THAP10: variants seen among roughly 807,000 people sequenced by gnomAD.
The protein encoded by THAP10 is THAP domain-containing protein 10.
In THAP10, 10 loss-of-function variants were observed where a neutral mutation model predicts 15.7. The ratio of observed to expected loss-of-function variants is 0.64; its 90% CI spans 0.39 to 1.08. THAP10 has a LOEUF of 1.08. THAP10 is among the 50% of genes least tolerant of loss of function. THAP10 has a pLI of 0.01. For synonymous variants in THAP10, 127 were observed against 129.1 expected (o/e 0.98, Z 0.11); for missense variants, 310 against 330.9 (o/e 0.94, Z 0.49).
chr15:70,890,996 C>T lies in THAP10; in HGVS notation c.429+848G>A, dbSNP rs187510405. On this transcript the variant is annotated intron_variant, in intron 1 of 2. Coordinates refer to ENST00000249861, the MANE Select transcript of THAP10 (RefSeq NM_020147.4). ...GCCATTAAAGGGTCTTAAATACCCA[C>T]CCCAATGTAGGAAGCAGGTTAGTAC... Among the ~76,000 whole-genome samples the T allele has an allele frequency of 2.0e-5, 3 of 152,264 alleles. No individual in the cohort carries two copies. The East Asian group carries it at 5.8e-4, about 29-fold the overall frequency.
chr15:70,891,943 G>A lies in THAP10; in HGVS notation c.330C>T (p.Asp110=). The change falls in exon 1 of 3, where the codon GAC becomes GAT. Residue 110 remains aspartate (D), a synonymous_variant. Transcript: ENST00000249861. ...TGGCTGCCTGGAGCTCTCCTCGCGT[G>A]TCCAGGCGGCCTGCTTGGTCTCCCT... is the stretch of plus-strand genomic sequence containing the variant. The part of the protein sequence containing the change: ...GEEGDQAGRL[D]TRGELQAARH... The A allele has an allele frequency of 1.2e-6, 2 of 1,613,678 alleles. No homozygotes were observed. The highest frequency in any genetic ancestry group is 1.7e-6 in the Non-Finnish European group (2 of 1,179,876).
intron 1 of THAP10, among the ~76,000 whole-genome samples, chr15:70,891,067 C>G (rs899019944): frequency 6.6e-6 from 1 of 152,124 alleles, no homozygotes; most frequent in African/African-American, 2.4e-5. Context: ...GTAAGGATTA[C>G]AGACCCCTGA....
chr15:70,883,242 A>G (rs2033313226), intron 1 of THAP10, among the ~76,000 whole-genome samples: 1 of 151,416 alleles, frequency 6.6e-6, no homozygotes, highest in Non-Finnish European at 1.5e-5. Flanking sequence ...CCCAAGCTGG[A>G]GCGCAATGGT....
At chr15:70,889,417 T>C (rs2033495929) in intron 1 of THAP10, among the ~76,000 whole-genome samples, 1 of 152,002 alleles carries the variant, frequency 6.6e-6, no homozygotes, top group Non-Finnish European at 1.5e-5. Context: ...GGGCTGGATA[T>C]GGGGTGATAT....
chr15:70,884,433 T>C (rs2033348790), intron 1 of THAP10, among the ~76,000 whole-genome samples: 1 of 151,956 alleles, frequency 6.6e-6, no homozygotes, highest in Admixed American at 6.6e-5. Context: ...GGCACAATAA[T>C]TGCTTGAAGC....
chr15:70,891,618 T>TGA (rs1555426203), intron 1 of THAP10, among the ~76,000 whole-genome samples: 6 of 127,654 alleles, frequency 4.7e-5, no homozygotes, highest in African/African-American at 1.3e-4. Flanking sequence ...TGTGTGTGTG[T>TGA]GAGTTTTGGG....
intron 1 of THAP10, among the ~76,000 whole-genome samples, chr15:70,884,442 G>A (rs1349945659): frequency 6.6e-6 from 1 of 151,892 alleles, no homozygotes; most frequent in Non-Finnish European, 1.5e-5. Flanking sequence ...ATTGCTTGAA[G>A]CCGGGAGGCA....
Position 70,883,696 on chromosome 15 carries a change from C to T in THAP10, c.430-788G>A, listed in dbSNP as rs1008763773. Reference sequence around the variant, plus strand: ...AGGGGTCTCCCTCTGTCACCCAGACCGGAGTGCAGAAGCATGATCTTGGCT... The same window carrying T: ...AGGGGTCTCCCTCTGTCACCCAGACTGGAGTGCAGAAGCATGATCTTGGCT... On this transcript the variant is annotated intron_variant, in intron 1 of 2. Coordinates refer to ENST00000249861, the MANE Select transcript of THAP10 (RefSeq NM_020147.4). Among the ~76,000 whole-genome samples, 9 of 151,010 alleles carry T rather than the reference C, an allele frequency of 6.0e-5. No homozygotes were observed. The East Asian group carries it at 1.4e-3, about 23-fold the overall frequency.
intron 1 of THAP10, among the ~76,000 whole-genome samples, chr15:70,888,162 T>C (rs1220460092): frequency 6.6e-6 from 1 of 152,144 alleles, no homozygotes; most frequent in African/African-American, 2.4e-5. Context: ...CGTGAGTAAC[T>C]TGTGAAAATT....
chr15:70,888,238 C>T (rs2033461411), intron 1 of THAP10, among the ~76,000 whole-genome samples: 2 of 152,068 alleles, frequency 1.3e-5, no homozygotes, highest in African/African-American at 4.8e-5. Flanking sequence ...TATCCACAAA[C>T]ATGAACAAGG....
intron 1 of THAP10, among the ~76,000 whole-genome samples, chr15:70,883,761 TG>T (rs2033329992): frequency 6.6e-6 from 1 of 151,718 alleles, no homozygotes; most frequent in South Asian, 2.1e-4. Context: ...TTCAAGCAAT[TG>T]TCGTGCCTCA....
chr15:70,885,497 A>C (rs2033382601), intron 1 of THAP10, among the ~76,000 whole-genome samples: 1 of 152,216 alleles, frequency 6.6e-6, no homozygotes, highest in South Asian at 2.1e-4. Flanking sequence ...AAAAAGATAC[A>C]TTCTCTTCAG....
intron 1 of THAP10, among the ~76,000 whole-genome samples, chr15:70,885,118 G>A (rs1300033700): frequency 6.6e-6 from 1 of 151,516 alleles, no homozygotes; most frequent in Admixed American, 6.6e-5. Context: ...GTAGATATCC[G>A]ATTGCTTCTT....
rs900243836 is a variant in THAP10 at position 70,882,443 on chromosome 15, A to C, written c.*11T>G. The C allele has an allele frequency of 6.3e-7, 1 of 1,598,036 alleles. No homozygotes were observed. The highest frequency in any genetic ancestry group is 1.3e-5 in the African/African-American group (1 of 74,526). ...AATCTATAGCACATCAGAGCATTTG[A>C]TGTTGAGTTTTTAACATGTTTCTTC... On this transcript the variant is annotated 3_prime_UTR_variant, in exon 3 of 3. Coordinates refer to ENST00000249861, the MANE Select transcript of THAP10 (RefSeq NM_020147.4).
rs935594754 is a variant in THAP10 at position 70,882,749 on chromosome 15, G to A, written c.577+12C>T. 3.7e-6 allele frequency: 6 copies of A among 1,613,904 alleles called. No homozygotes were observed. The African/African-American group carries it at 8.0e-5, about 22-fold the overall frequency. Reference sequence around the variant, plus strand: ...ATTCAATTGCTTAATCCATTGAAGAGTCAAAACATACCCACACTACGGTGA... The same window carrying A: ...ATTCAATTGCTTAATCCATTGAAGAATCAAAACATACCCACACTACGGTGA... On this transcript the variant is annotated intron_variant, in intron 2 of 2. Transcript: ENST00000249861.
intron 1 of THAP10, among the ~76,000 whole-genome samples, chr15:70,890,888 G>C (rs1039760634): frequency 7.9e-5 from 12 of 152,226 alleles, no homozygotes; most frequent in African/African-American, 2.4e-5. Flanking sequence ...GTTAGGGCTA[G>C]TGTGGTATGC....
chr15:70,888,858 C>T (rs2033477732), intron 1 of THAP10, among the ~76,000 whole-genome samples: 1 of 152,138 alleles, frequency 6.6e-6, no homozygotes. Flanking sequence ...AAAGGTGTTT[C>T]CTTACTAATT....
chr15:70,883,474 G>T (rs185934523), intron 1 of THAP10, among the ~76,000 whole-genome samples: 1 of 152,080 alleles, frequency 6.6e-6, no homozygotes, highest in African/African-American at 2.4e-5. Flanking sequence ...GTTTACAGGC[G>T]TGAGGCACCT....
chr15:70,889,334 C>T (rs2033491879), intron 1 of THAP10, among the ~76,000 whole-genome samples: 1 of 151,702 alleles, frequency 6.6e-6, no homozygotes, highest in Non-Finnish European at 1.5e-5. Flanking sequence ...AAAATGGCTA[C>T]AGTATGATTT....
Sources: gnomAD v4.1 joint callset for allele counts (sites outside exome capture counted in the v4.1 genomes callset) on GRCh38, gnomAD v4.1.1 for gene constraint, MANE v1.5 for transcripts, NCBI Gene and HGNC (gene_info 2026-07-23, HGNC 2026-07-21) for gene names.